Variants in NTN4 observed in about 807,000 individuals in gnomAD.
NTN4 encodes the protein netrin-4.
Under a neutral mutation model 73.6 loss-of-function variants are expected in NTN4, and 32 were observed. The ratio of observed to expected loss-of-function variants is 0.44; its 90% CI spans 0.33 to 0.58. NTN4 has a LOEUF of 0.58. NTN4 is among the 20% of genes least tolerant of loss of function. NTN4 has a pLI of 0.04. For missense variants in NTN4, 654 were observed against 798.3 expected (o/e 0.82, Z 2.18); for synonymous variants, 258 against 287.5 (o/e 0.90, Z 1.04).
intron 2 of NTN4, among the ~76,000 whole-genome samples, chr12:95,776,685 T>C (rs867276964): frequency 6.6e-6 from 1 of 152,168 alleles, no homozygotes; most frequent in Non-Finnish European, 1.5e-5. Flanking sequence ...CTACATCTGA[T>C]TGGTGTGCCT....
At chr12:95,750,087 T>G (rs1307545002) in intron 2 of NTN4, among the ~76,000 whole-genome samples, 1 of 152,068 alleles carries the variant, frequency 6.6e-6, no homozygotes, top group East Asian at 1.9e-4. Flanking sequence ...CCCAACCTCG[T>G]ATCTCTGCGC....
chr12:95,726,911 A>G (rs1332156219), intron 3 of NTN4, among the ~76,000 whole-genome samples: 6 of 152,096 alleles, frequency 3.9e-5, no homozygotes, highest in Non-Finnish European at 8.8e-5. Flanking sequence ...CGGGGCTTGC[A>G]GTGAGTGGAG....
At position 95,790,335 on chromosome 12, in the gene NTN4, G is replaced by C; in HGVS notation, c.-26C>G. The C allele has an allele frequency of 1.3e-6, 2 of 1,519,786 alleles. No homozygotes were observed. The highest frequency in any genetic ancestry group is 1.8e-6 in the Non-Finnish European group (2 of 1,134,292). The allele number at this position is 1,519,786 out of a possible 1,614,324, so 94.1% of individuals were successfully genotyped here. A position where few individuals can be genotyped will look rare whatever the true frequency, so the allele number is the denominator to read the frequency against. ...GGCCGGGAGGAGCCGGGAGCAGCCG[G>C]GCCGGGCGGGTGCCGGAGGGAGCCG... On this transcript the variant is annotated 5_prime_UTR_variant, in exon 1 of 10. Transcript: ENST00000343702. The surrounding 1 kb of genome is among the most constrained non-coding windows in gnomAD (Gnocchi z 6.5).
intron 5 of NTN4, among the ~76,000 whole-genome samples, chr12:95,700,080 A>ATTTTTTTTTTTGT (rs2078471976): frequency 2.4e-5 from 1 of 41,788 alleles, no homozygotes; most frequent in Non-Finnish European, 4.3e-5. Flanking sequence ...TAAAGTGAGG[A>ATTTTTTTTTTTGT]TTTTTTTTTT....
At chr12:95,731,957 C>G (rs2078740367) in intron 3 of NTN4, among the ~76,000 whole-genome samples, 1 of 152,156 alleles carries the variant, frequency 6.6e-6, no homozygotes, top group South Asian at 2.1e-4. Context: ...TGTAGCATGA[C>G]AGCACAAGAC....
At chr12:95,705,786 A>G (rs1265683805) in intron 5 of NTN4, among the ~76,000 whole-genome samples, 1 of 152,158 alleles carries the variant, frequency 6.6e-6, no homozygotes, top group Non-Finnish European at 1.5e-5. Flanking sequence ...GTATGTATAC[A>G]TTACAGATAA....
At chr12:95,780,787 C>A (rs1470351517) in intron 2 of NTN4, among the ~76,000 whole-genome samples, 2 of 152,166 alleles carry the variant, frequency 1.3e-5, no homozygotes, top group Non-Finnish European at 2.9e-5. Context: ...TTGACCCAGC[C>A]ATCCCTTTAC....
rs574424250 is a variant in NTN4, at chr12:95,753,614, A to C, written c.586-15470T>G. ...CAGCCAAGCAGTTTTTCAGGCTGTTAGTATTCAGTGAAACCTTTATATCCC... is the reference window on the plus strand; with the variant it reads ...CAGCCAAGCAGTTTTTCAGGCTGTTCGTATTCAGTGAAACCTTTATATCCC... On this transcript the variant is annotated intron_variant, in intron 2 of 9. Transcript: ENST00000343702. 4.6e-3 allele frequency among the ~76,000 whole-genome samples: 695 copies of C among 151,036 alleles called. 5 individuals are homozygous for C. The highest frequency in any genetic ancestry group is 0.016 in the African/African-American group (647 of 41,290).
At chr12:95,727,191 T>A (rs34952675) in intron 3 of NTN4, among the ~76,000 whole-genome samples, 53,998 of 152,036 alleles carry the variant, frequency 0.36, 11,303 homozygotes, top group Non-Finnish European at 0.47. Flanking sequence ...AATGTCTTTT[T>A]ATGTGCTTAT....
chr12:95,722,462 C>T (rs907218959), intron 3 of NTN4, among the ~76,000 whole-genome samples: 1 of 151,688 alleles, frequency 6.6e-6, no homozygotes, highest in Non-Finnish European at 1.5e-5. Flanking sequence ...CTCATCTCTA[C>T]AAAAAATACA....
chr12:95,775,872 C>T (rs1438529528), intron 2 of NTN4, among the ~76,000 whole-genome samples: 1 of 152,274 alleles, frequency 6.6e-6, no homozygotes, highest in East Asian at 1.9e-4. Context: ...TGAGAATGGA[C>T]AGCCTGCCTC....
intron 5 of NTN4, 102 bp downstream of exon 5, chr12:95,710,339 G>A: frequency 1.1e-6 from 1 of 918,270 alleles, no homozygotes; most frequent in East Asian, 2.5e-5. Context: ...TGTTATCTCA[G>A]AACCTCAATG....
intron 3 of NTN4, among the ~76,000 whole-genome samples, chr12:95,732,113 T>C (rs1000648093): frequency 1.3e-5 from 2 of 152,228 alleles, no homozygotes; most frequent in African/African-American, 4.8e-5. Flanking sequence ...TATGAAGTAT[T>C]TTAAAATCCT....
At chr12:95,694,991 G>T (rs867814256) in intron 5 of NTN4, among the ~76,000 whole-genome samples, 1 of 152,074 alleles carries the variant, frequency 6.6e-6, no homozygotes, top group South Asian at 2.1e-4. Context: ...AGCTGGGTGT[G>T]GCGGTGCAAA....
rs1005994647 is a variant in NTN4, at chr12:95,789,154, C to T, written c.55+1101G>A. On this transcript the variant is annotated intron_variant, in intron 1 of 9. Transcript: ENST00000343702. The surrounding 1 kb of genome is among the most constrained non-coding windows in gnomAD (Gnocchi z 4.0). ...CCATGGGGCAAAATACTTGGAGTCA[C>T]TCAAGGGACTATTCAATGATACTAA... 2.0e-5 allele frequency among the ~76,000 whole-genome samples: 3 copies of T among 152,190 alleles called. No individual in the cohort carries two copies. The highest frequency in any genetic ancestry group is 7.2e-5 in the African/African-American group (3 of 41,448).
At chr12:95,741,333 T>C (rs2078822115) in intron 2 of NTN4, among the ~76,000 whole-genome samples, 1 of 145,728 alleles carries the variant, frequency 6.9e-6, no homozygotes, top group Non-Finnish European at 1.5e-5. Context: ...ATTTATTATA[T>C]ATTAAATACA....
intron 8 of NTN4, among the ~76,000 whole-genome samples, chr12:95,668,900 C>T (rs551654201): frequency 3.3e-5 from 5 of 152,218 alleles, no homozygotes; most frequent in African/African-American, 7.2e-5. Context: ...CCGAGGCAGG[C>T]GGATCACGAG....
intron 4 of NTN4, among the ~76,000 whole-genome samples, 187 bp from the exon 5 acceptor site, chr12:95,710,816 CA>C (rs369000995): frequency 2.1e-3 from 319 of 152,064 alleles, no homozygotes; most frequent in African/African-American, 7.4e-3. Flanking sequence ...CCAGCCTGGC[CA>C]ACACAGTGAA....
intron 3 of NTN4, among the ~76,000 whole-genome samples, chr12:95,732,498 C>T (rs928660269): frequency 1.3e-5 from 2 of 148,530 alleles, no homozygotes; most frequent in East Asian, 2.0e-4. Context: ...CTGCCTCCTG[C>T]GTCCAAGCGA....
Sources: gnomAD v4.1 joint callset for allele counts (sites outside exome capture counted in the v4.1 genomes callset) on GRCh38, gnomAD v4.1.1 for gene constraint, Gnocchi (gnomAD v3.1) non-coding constraint, MANE v1.5 for transcripts, NCBI Gene and HGNC (gene_info 2026-07-23, HGNC 2026-07-21) for gene names.